Variants in ARHGEF10 observed in about 807,000 individuals in gnomAD.
ARHGEF10 encodes the protein Rho guanine nucleotide exchange factor (GEF) 10.
A neutral mutation model predicts 147.4 loss-of-function variants in ARHGEF10; 140 were observed. That is an observed-to-expected ratio of 0.95 (90% CI 0.83 to 1.09). The LOEUF (loss-of-function observed/expected upper bound fraction) is 1.09. ARHGEF10 is among the 50% of genes least tolerant of loss of function. The probability of loss-of-function intolerance (pLI) is 0.00; values close to 1 mark genes in which losing one functional copy is unlikely to be tolerated. For synonymous variants in ARHGEF10, 902 were observed against 695.8 expected (o/e 1.30, Z -4.67); for missense variants, 2,222 against 1,752.7 (o/e 1.27, Z -4.78).
intron 14 of ARHGEF10, among the ~76,000 whole-genome samples, chr8:1,898,058 GCCGTCAGC>G (rs1810152749): frequency 6.6e-6 from 1 of 152,150 alleles, no homozygotes; most frequent in Non-Finnish European, 1.5e-5. Flanking sequence ...AGGGAGAGGA[GCCGTCAGC>G]CTCCAGGACG....
intron 2 of ARHGEF10, among the ~76,000 whole-genome samples, chr8:1,845,340 G>A (rs1804473965): frequency 6.6e-6 from 1 of 152,234 alleles, no homozygotes; most frequent in Admixed American, 6.5e-5. Flanking sequence ...TTGGAAATGA[G>A]TGGTTGTCTT....
Position 1,870,430 on chromosome 8 carries a change from A to G in ARHGEF10, c.679+1180A>G, listed in dbSNP as rs564360081. ...AAAAGACTGCAAAATAAGTACAAAC[A>G]TATTGGTACGCATAGTAAAGTGCAT... On this transcript the variant is annotated intron_variant, in intron 7 of 28. Transcript: ENST00000349830. The G allele has an allele frequency of 3.3e-5, 5 of 152,296 alleles. No individual in the cohort carries two copies. In the East Asian group the frequency reaches 9.6e-4, roughly 29 times the overall value. 9.4% of individuals were successfully genotyped at this position (152,296 alleles called of 1,614,324 possible).
chr8:1,832,793 CAG>C (rs1803260133), intron 1 of ARHGEF10, among the ~76,000 whole-genome samples: 4 of 40,210 alleles, frequency 9.9e-5, no homozygotes, highest in East Asian at 6.4e-4. Context: ...CAGAGAGAGA[CAG>C]AGGCAGAGGC....
Position 1,882,765 on chromosome 8 carries a change from T to G in ARHGEF10, c.1075+16T>G. 1 of 1,521,014 alleles carries G rather than the reference T, an allele frequency of 6.6e-7. No individual in the cohort carries two copies. Among genetic ancestry groups the G allele is most frequent in the South Asian group, 1.2e-5 (1 of 83,094 alleles). 94.2% of individuals were successfully genotyped at this position (1,521,014 alleles called of 1,614,324 possible). ...ATCGCACAGGGTCCGTGCCTGCAGGTCTTCTTGCGGGGAGGACACGGGGTT... is the reference window on the plus strand; with the variant it reads ...ATCGCACAGGGTCCGTGCCTGCAGGGCTTCTTGCGGGGAGGACACGGGGTT... On this transcript the variant is annotated intron_variant, in intron 10 of 28. Transcript: ENST00000349830.
intron 14 of ARHGEF10, among the ~76,000 whole-genome samples, chr8:1,896,741 T>C (rs1276047077): frequency 6.6e-6 from 1 of 152,256 alleles, no homozygotes; most frequent in Non-Finnish European, 1.5e-5. Flanking sequence ...TTTCCCTCAC[T>C]GTCCTTCGGT....
At chr8:1,890,307 AT>A (rs1222128521) in intron 11 of ARHGEF10, among the ~76,000 whole-genome samples, 5 of 141,574 alleles carry the variant, frequency 3.5e-5, no homozygotes, top group Non-Finnish European at 7.6e-5. Context: ...GGAGACACTG[AT>A]GGGGTGAGGG....
chr8:1,848,953 A>T (rs1263196766), intron 2 of ARHGEF10, among the ~76,000 whole-genome samples: 3 of 152,144 alleles, frequency 2.0e-5, no homozygotes, highest in African/African-American at 7.2e-5. Flanking sequence ...TTATGGCTTT[A>T]TTAAGATATA....
chr8:1,856,422 A>G (rs1229025420), intron 2 of ARHGEF10, among the ~76,000 whole-genome samples: 1 of 152,160 alleles, frequency 6.6e-6, no homozygotes, highest in Non-Finnish European at 1.5e-5. Flanking sequence ...CCCTCTGTGT[A>G]TTTGTGGTGA....
intron 27 of ARHGEF10, 132 bp from the exon 28 acceptor site, chr8:1,952,573 C>T (rs1815142052): frequency 9.5e-6 from 12 of 1,263,780 alleles, no homozygotes; most frequent in South Asian, 5.3e-5. Flanking sequence ...TTGGGAACTC[C>T]TGTGCCACAT....
chr8:1,933,698 G>C, intron 25 of ARHGEF10, 102 bp from the exon 26 acceptor site: 4 of 1,421,884 alleles, frequency 2.8e-6, no homozygotes, highest in Non-Finnish European at 3.0e-6. Context: ...CATTACAGGT[G>C]ATCCTTCGGG....
At chr8:1,872,344 G>A (rs1252114108) in intron 7 of ARHGEF10, among the ~76,000 whole-genome samples, 3 of 152,144 alleles carry the variant, frequency 2.0e-5, no homozygotes, top group African/African-American at 7.2e-5. Flanking sequence ...TTCAGGGAGC[G>A]GACAAACCCC....
chr8:1,930,600 A>AC (rs776352746), intron 25 of ARHGEF10, among the ~76,000 whole-genome samples: 24 of 142,102 alleles, frequency 1.7e-4, no homozygotes, highest in South Asian at 6.8e-4. Flanking sequence ...CCCTCCAACC[A>AC]CCCCCGTTCT....
chr8:1,946,073 C>G (rs1814565633), intron 27 of ARHGEF10, among the ~76,000 whole-genome samples: 1 of 152,198 alleles, frequency 6.6e-6, no homozygotes, highest in Non-Finnish European at 1.5e-5. Flanking sequence ...CCAACAGAGG[C>G]CTATGTTTGT....
rs868210252 is a variant in ARHGEF10 at position 1,907,981 on chromosome 8, C to A, written c.1968-1314C>A. Among the ~76,000 whole-genome samples, 45 of 152,268 alleles carry A rather than the reference C, an allele frequency of 3.0e-4. 1 individual carries two copies. Among genetic ancestry groups the A allele is most frequent in the African/African-American group, 9.6e-4 (40 of 41,576 alleles). The stretch of plus-strand genomic sequence containing the variant: ...CGGAATTTTGGTAAGAACTCATGGG[C>A]ATTTCTGTTTTTCTAAATTGGAGGC... On this transcript the variant is annotated intron_variant, in intron 17 of 28. Coordinates refer to ENST00000349830, the MANE Select transcript of ARHGEF10 (RefSeq NM_014629.4).
At chr8:1,824,288 G>C (rs940133097) in intron 1 of ARHGEF10, among the ~76,000 whole-genome samples, 175 bp downstream of exon 1, 5 of 151,668 alleles carry the variant, frequency 3.3e-5, no homozygotes, top group Non-Finnish European at 5.9e-5. Flanking sequence ...CCCCCGAGCA[G>C]CTCCCCCTTC....
intron 14 of ARHGEF10, among the ~76,000 whole-genome samples, chr8:1,897,637 G>T (rs1432814031): frequency 3.3e-5 from 5 of 152,216 alleles, no homozygotes; most frequent in African/African-American, 1.2e-4. Flanking sequence ...TCGGATTGCA[G>T]TTCCCACTGT....
At chr8:1,928,338 T>C (rs1812840237) in intron 23 of ARHGEF10, 89 bp from the exon 24 acceptor site, 24 of 1,193,030 alleles carry the variant, frequency 2.0e-5, no homozygotes, top group Non-Finnish European at 2.9e-5. Flanking sequence ...AAATCGAAGC[T>C]TGTCGTGGCC....
At chr8:1,901,874 T>G (rs1476189921) in intron 15 of ARHGEF10, among the ~76,000 whole-genome samples, 1 of 152,252 alleles carries the variant, frequency 6.6e-6, no homozygotes, top group Non-Finnish European at 1.5e-5. Context: ...ATTTATGCAA[T>G]GTCCTTTCCA....
chr8:1,920,222 A>T (rs947785817), intron 18 of ARHGEF10, among the ~76,000 whole-genome samples: 2 of 152,246 alleles, frequency 1.3e-5, no homozygotes, highest in African/African-American at 2.4e-5. Context: ...CACACCAAAA[A>T]TAGAAGGGTC....
Sources: allele counts gnomAD v4.1 joint callset (sites outside exome capture counted in the v4.1 genomes callset), GRCh38; gene constraint gnomAD v4.1.1; transcripts MANE v1.5; gene names NCBI Gene and HGNC (gene_info 2026-07-23, HGNC 2026-07-21).